The following ME3 variants were observed in gnomAD, a reference collection of about 807,000 sequenced individuals.
ME3 encodes the protein NADP-dependent malic enzyme, mitochondrial.
In ME3, 48 loss-of-function variants were observed where a neutral mutation model predicts 68.9. The observed-to-expected ratio is 0.70, with a 90% confidence interval of 0.55 to 0.89. ME3 has a LOEUF of 0.89. ME3 is among the 40% of genes least tolerant of loss of function. ME3 has a pLI of 0.00. For missense variants in ME3, 675 were observed against 797.4 expected (o/e 0.85, Z 1.85); for synonymous variants, 320 against 318.8 (o/e 1.00, Z -0.04).
intron 8 of ME3, among the ~76,000 whole-genome samples, chr11:86,459,627 T>C (rs117659334): frequency 0.018 from 2,748 of 152,300 alleles, 34 homozygotes; most frequent in Non-Finnish European, 0.028. Context: ...TGATGAGCAG[T>C]TGTGGCTGTT....
chr11:86,466,448 C>G (rs996450754), intron 7 of ME3, among the ~76,000 whole-genome samples: 3 of 152,166 alleles, frequency 2.0e-5, no homozygotes, highest in Non-Finnish European at 2.9e-5. Context: ...GTGGCCTGCC[C>G]TTCCAACCTG....
At position 86,641,221 on chromosome 11, in the gene ME3, G is replaced by A. The variant is rs937730657; in HGVS notation, c.183+30541C>T. Among the ~76,000 whole-genome samples, 3 of 151,914 alleles carry A rather than the reference G, an allele frequency of 2.0e-5. No homozygotes were observed. The South Asian group carries it at 6.2e-4, about 31-fold the overall frequency. ...AGTCTTCTTCTAACCCATTTGAAAA[G>A]AAAAAAACAGAAAACAGCAGCAAAA... On this transcript the variant is annotated intron_variant, in intron 2 of 14. Transcript: ENST00000543262.
chr11:86,483,209 A>C (rs993019747), intron 7 of ME3, among the ~76,000 whole-genome samples: 22 of 152,190 alleles, frequency 1.4e-4, no homozygotes, highest in African/African-American at 5.1e-4. Flanking sequence ...TAGCCGTCCA[A>C]ATGTAAAGGT....
chr11:86,463,027 A>G (rs1287846142), intron 8 of ME3, among the ~76,000 whole-genome samples: 2 of 152,224 alleles, frequency 1.3e-5, no homozygotes, highest in South Asian at 2.1e-4. Flanking sequence ...CCGAAGTCTT[A>G]TATTTTCATT....
intron 7 of ME3, among the ~76,000 whole-genome samples, chr11:86,485,528 C>T (rs574080538): frequency 6.6e-6 from 1 of 152,290 alleles, no homozygotes; most frequent in Admixed American, 6.5e-5. Context: ...ATAATCTTAG[C>T]TGCAAACATC....
intron 2 of ME3, among the ~76,000 whole-genome samples, chr11:86,585,745 A>G (rs1306534153): frequency 6.6e-6 from 1 of 152,190 alleles, no homozygotes; most frequent in Admixed American, 6.5e-5. Flanking sequence ...GGTTGTATGT[A>G]TTACTCTATG....
chr11:86,478,490 C>G (rs1353082057), intron 7 of ME3, among the ~76,000 whole-genome samples: 4 of 152,100 alleles, frequency 2.6e-5, no homozygotes, highest in African/African-American at 9.7e-5. Flanking sequence ...AGTAGATTTC[C>G]CTAGGGAAGG....
At chr11:86,475,874 T>TATATATATAGAGAGAG in intron 7 of ME3, among the ~76,000 whole-genome samples, 72 of 91,430 alleles carry the variant, frequency 7.9e-4, no homozygotes, top group Non-Finnish European at 1.0e-3. Context: ...TATATATATA[T>TATATATATAGAGAGAG]AGAGAGAGAG....
Position 86,556,770 on chromosome 11 carries a change from G to A in ME3, c.318-68C>T, listed in dbSNP as rs1387413745. ...CAGGCCCTGATGCCTCTGTGGTGTG[G>A]TGCAAAGACCCAAGGCTCCTGTTCC... On this transcript the variant is annotated intron_variant, in intron 3 of 14. Transcript: ENST00000543262. 9 of 1,536,902 alleles carry A rather than the reference G, an allele frequency of 5.9e-6. No individual in the cohort carries two copies. In the East Asian group the frequency reaches 2.0e-4, roughly 35 times the overall value.
At chr11:86,617,785 G>T (rs377722877) in intron 2 of ME3, among the ~76,000 whole-genome samples, 1 of 152,048 alleles carries the variant, frequency 6.6e-6, no homozygotes, top group African/African-American at 2.4e-5. Flanking sequence ...AATATACTTT[G>T]GCTCTTTCAT....
intron 2 of ME3, among the ~76,000 whole-genome samples, chr11:86,629,956 C>A (rs2135317241): frequency 6.6e-6 from 1 of 152,244 alleles, no homozygotes; most frequent in Middle Eastern, 3.4e-3. Flanking sequence ...ATGAAGCATG[C>A]AGAAGAGGAA....
chr11:86,457,744 G>C, intron 8 of ME3: 1 of 1,286,822 alleles, frequency 7.8e-7, no homozygotes, highest in South Asian at 1.2e-5. Flanking sequence ...GCAGCTGAAA[G>C]TGTGGCAGGT....
intron 2 of ME3, among the ~76,000 whole-genome samples, chr11:86,643,603 C>A (rs1944809945): frequency 6.6e-6 from 1 of 152,148 alleles, no homozygotes; most frequent in Non-Finnish European, 1.5e-5. Context: ...CTTTAAGAAA[C>A]CTTCTTACCC....
intron 2 of ME3, among the ~76,000 whole-genome samples, chr11:86,641,023 C>T (rs1320038790): frequency 1.0e-5 from 1 of 99,552 alleles, no homozygotes; most frequent in Non-Finnish European, 2.5e-5. Context: ...ATATAACCTG[C>T]TCTCAATTTC....
intron 2 of ME3, among the ~76,000 whole-genome samples, chr11:86,577,886 A>G (rs1958207661): frequency 6.6e-6 from 1 of 152,222 alleles, no homozygotes; most frequent in South Asian, 2.1e-4. Flanking sequence ...AGATGGGTCA[A>G]TGACATGTCA....
chr11:86,521,418 C>A (rs183424013), intron 4 of ME3, among the ~76,000 whole-genome samples: 10,205 of 93,942 alleles, frequency 0.11, 512 homozygotes, highest in Non-Finnish European at 0.14. Flanking sequence ...CAAAACAAAA[C>A]AAAACAAAAC....
chr11:86,441,454 T>G lies in ME3; in HGVS notation c.1654-14A>C. Reference sequence around the variant, plus strand: ...GTAGTCGAGAACCTAGAGAAAAACATGTTTGGCTAAGGAACCGGATCTAAG... The same window carrying G: ...GTAGTCGAGAACCTAGAGAAAAACAGGTTTGGCTAAGGAACCGGATCTAAG... On this transcript the variant is annotated splice_polypyrimidine_tract_variant and intron_variant, in intron 14 of 14. Transcript: ENST00000543262. 2.5e-6 allele frequency: 4 copies of G among 1,571,480 alleles called. No individual in the cohort carries two copies. The South Asian group carries it at 4.8e-5, about 19-fold the overall frequency.
At chr11:86,551,559 C>T (rs1465376710) in intron 4 of ME3, among the ~76,000 whole-genome samples, 1 of 152,174 alleles carries the variant, frequency 6.6e-6, no homozygotes, top group South Asian at 2.1e-4. Flanking sequence ...GGCTCTTGGT[C>T]AGCTGTGATG....
intron 8 of ME3, among the ~76,000 whole-genome samples, chr11:86,452,894 G>A (rs913060131): frequency 3.3e-5 from 5 of 152,210 alleles, no homozygotes; most frequent in Non-Finnish European, 7.3e-5. Flanking sequence ...TGTCTGTTGG[G>A]ACATTGTCTA....
Sources: allele counts gnomAD v4.1 joint callset (sites outside exome capture counted in the v4.1 genomes callset), GRCh38; gene constraint gnomAD v4.1.1; transcripts MANE v1.5; gene names NCBI Gene and HGNC (gene_info 2026-07-23, HGNC 2026-07-21).